The following RPTOR variants were observed in gnomAD, a reference collection of about 807,000 sequenced individuals.
RPTOR encodes regulatory associated protein of MTOR complex 1.
RPTOR carries 21 observed loss-of-function variants against 169.9 expected under a neutral mutation model. The observed-to-expected ratio is 0.12, with a 90% CI of 0.09 to 0.18. The LOEUF is 0.18. RPTOR is among the 10% of genes least tolerant of loss of function. The pLI is 1.00. For missense variants in RPTOR, 1,133 were observed against 1,855.9 expected, an observed-to-expected ratio of 0.61 and a Z score of 7.16; for synonymous variants, 732 against 753.2, an observed-to-expected ratio of 0.97 and a Z score of 0.46.
chr17:80,922,445 G>A (rs932612527), intron 21 of RPTOR, among the ~76,000 whole-genome samples: 13 of 152,212 alleles, frequency 8.5e-5, no homozygotes, highest in Admixed American at 8.5e-4. Flanking sequence ...TGACCCCTCA[G>A]GAGCCTCAGG....
In RPTOR at chr17:80,609,444, G is replaced by GT. The variant is rs1405215941; in HGVS notation, c.163-16246dup. On this transcript the variant is annotated intron_variant, in intron 1 of 33. Transcript: ENST00000306801. The surrounding 1 kb of genome is among the most constrained non-coding windows in gnomAD (Gnocchi z 4.8). ...AAACAATGTTGATACGTCTTGAGATGTGTATAAATCATTTGATTTGGCTGG... is the reference window on the plus strand; with the variant it reads ...AAACAATGTTGATACGTCTTGAGATGTTGTATAAATCATTTGATTTGGCTGG... Among the ~76,000 whole-genome samples the GT allele has an allele frequency of 1.3e-5, 2 of 152,154 alleles. No individual in the cohort carries two copies. Among genetic ancestry groups the GT allele is most frequent in the Non-Finnish European group, 2.9e-5 (2 of 68,034 alleles).
At position 80,960,266 on chromosome 17, in the gene RPTOR, G is replaced by A. The variant is rs2144097593; in HGVS notation, c.3605+61G>A. On this transcript the variant is annotated intron_variant, in intron 30 of 33. Coordinates refer to ENST00000306801, the MANE Select transcript of RPTOR (RefSeq NM_020761.3). The surrounding 1 kb of genome is among the most constrained non-coding windows in gnomAD (Gnocchi z 4.8). ...GGCAGGGTACCTTCCAGGTGGTAGG[G>A]CCGTGTCACTGCCATTTGGTTGGGT... 1.9e-6 allele frequency: 3 copies of A among 1,601,148 alleles called. No individual in the cohort carries two copies. Among genetic ancestry groups the A allele is most frequent in the Non-Finnish European group, 2.6e-6 (3 of 1,170,864 alleles).
chr17:80,904,841 G>A (rs918679699), intron 20 of RPTOR, among the ~76,000 whole-genome samples: 12 of 152,162 alleles, frequency 7.9e-5, no homozygotes, highest in Non-Finnish European at 8.8e-5. Flanking sequence ...CAGCAGTTCC[G>A]TGATCACAGC....
rs966975190 is a variant in RPTOR, at chr17:80,807,658, CT to C, written c.891-14533del. Among the ~76,000 whole-genome samples the C allele has an allele frequency of 1.5e-3, 230 of 148,976 alleles. 1 individual carries two copies. Among genetic ancestry groups the C allele is most frequent in the Admixed American group, 4.4e-3 (65 of 14,880 alleles). On this transcript the variant is annotated intron_variant, in intron 7 of 33. Transcript: ENST00000306801. The stretch of plus-strand genomic sequence containing the variant: ...TGAGCCACTGTGCCCGGCCAAGCCC[CT>C]TTTTTTTTTAACTTTTCTTTTTTCT...
intron 9 of RPTOR, among the ~76,000 whole-genome samples, chr17:80,835,497 G>A (rs1161901597): frequency 1.3e-5 from 2 of 152,158 alleles, no homozygotes; most frequent in Non-Finnish European, 2.9e-5. Context: ...GGGAGAGTAG[G>A]GCTGAAGGGA....
intron 21 of RPTOR, among the ~76,000 whole-genome samples, chr17:80,913,785 C>A (rs1408926420): frequency 1.3e-5 from 2 of 152,030 alleles, no homozygotes; most frequent in African/African-American, 4.8e-5. Context: ...AAATTTCAGA[C>A]TATGTAGAAG....
Position 80,923,486 on chromosome 17 carries a change from G to A in RPTOR, c.2625-4G>A, listed in dbSNP as rs200640303. 1.4e-3 allele frequency: 2,272 copies of A among 1,613,664 alleles called. 5 individuals are homozygous for A. The highest frequency in any genetic ancestry group is 2.7e-3 in the South Asian group (245 of 91,090). ...TGCAGTGTTTGTTTTTCTTCCAATG[G>A]CAGGGGCTCCCCTCCGGCGTCCAGC... On this transcript the variant is annotated splice_region_variant and splice_polypyrimidine_tract_variant and intron_variant, in intron 22 of 33. Coordinates refer to ENST00000306801, the MANE Select transcript of RPTOR (RefSeq NM_020761.3).
rs1466317311 is a variant in RPTOR at position 80,726,151 on chromosome 17, A to G, written c.508-4409A>G. Among the ~76,000 whole-genome samples, 2 of 152,140 alleles carry G rather than the reference A, an allele frequency of 1.3e-5. No individual in the cohort carries two copies. The highest frequency in any genetic ancestry group is 4.8e-5 in the African/African-American group (2 of 41,428). On this transcript the variant is annotated intron_variant, in intron 4 of 33. Transcript: ENST00000306801. This position sits in a 1 kb window ranked among gnomAD's most constrained non-coding sequence, Gnocchi z 4.5. ...GCCCACATCCAAGCAGGCTTCCCAG[A>G]GCAGGCGGGGCTGGGAAAGCTGTTC...
Position 80,962,627 on chromosome 17 carries a change from T to C in RPTOR, c.3809+50T>C, listed in dbSNP as rs368165366. The C allele has an allele frequency of 2.0e-5, 31 of 1,520,242 alleles. No individual in the cohort carries two copies. In the African/African-American group the frequency reaches 3.0e-4, roughly 15 times the overall value. The allele number at this position is 1,520,242 out of a possible 1,614,324, so 94.2% of individuals were successfully genotyped here. On this transcript the variant is annotated intron_variant, in intron 32 of 33. Coordinates refer to ENST00000306801, the MANE Select transcript of RPTOR (RefSeq NM_020761.3). ...CTGCACCGCTCACCCGCCTCGGGCC[T>C]CTGTGCAAACGGGAGGCTCTTGTGT...
chr17:80,682,764 G>A (rs979434795), intron 3 of RPTOR, among the ~76,000 whole-genome samples: 3 of 152,004 alleles, frequency 2.0e-5, no homozygotes, highest in African/African-American at 7.3e-5. Context: ...ATATAACATT[G>A]ATTCAGTCCT....
rs185756625 is a variant in RPTOR, at chr17:80,871,360, C to T, written c.1510-9055C>T. On this transcript the variant is annotated intron_variant, in intron 13 of 33. Coordinates refer to ENST00000306801, the MANE Select transcript of RPTOR (RefSeq NM_020761.3). ...TCCTGACTGCGTGAGCCACCGCTCC[C>T]GGCCATGCCCAATGTTTTTGTCCTG... Among the ~76,000 whole-genome samples the T allele has an allele frequency of 4.1e-3, 617 of 152,286 alleles. 1 individual carries two copies. The highest frequency in any genetic ancestry group is 0.013 in the South Asian group (65 of 4,818).
At chr17:80,603,550 C>T (rs538683204) in intron 1 of RPTOR, among the ~76,000 whole-genome samples, 5 of 152,106 alleles carry the variant, frequency 3.3e-5, no homozygotes, top group African/African-American at 9.7e-5. Context: ...CTTCCTGCTT[C>T]CAGGATTTAC....
chr17:80,893,780 C>G lies in RPTOR; in HGVS notation c.2316C>G (p.Pro772=), dbSNP rs1360461888. The G allele has an allele frequency of 6.3e-7, 1 of 1,597,792 alleles. No individual in the cohort carries two copies. Among genetic ancestry groups the G allele is most frequent in the East Asian group, 2.3e-5 (1 of 43,664 alleles). The part of the protein sequence containing the change: ...SSSASSTLGS[P]ENEEHILSFE... ...GCGCCAGCAGCACCCTGGGCAGCCC[C>G]GAGAATGAGGAGCATATCCTGTCCT... Residue 772 remains proline (P), a synonymous_variant, in exon 20 of 34, where the codon CCC becomes CCG. Transcript: ENST00000306801.
At chr17:80,826,831 C>T (rs192913489) in intron 9 of RPTOR, among the ~76,000 whole-genome samples, 1 of 152,382 alleles carries the variant, frequency 6.6e-6, no homozygotes, top group Admixed American at 6.5e-5. Context: ...AGCTAGAACT[C>T]GCCCTGCTGT....
intron 20 of RPTOR, among the ~76,000 whole-genome samples, chr17:80,894,769 G>A (rs942577972): frequency 1.3e-5 from 2 of 152,100 alleles, no homozygotes; most frequent in African/African-American, 4.8e-5. Context: ...CGCTGCGTGT[G>A]TGTGTGTGTG....
At chr17:80,764,416 G>T (rs2066766674) in intron 6 of RPTOR, among the ~76,000 whole-genome samples, 3 of 149,494 alleles carry the variant, frequency 2.0e-5, no homozygotes, top group African/African-American at 7.4e-5. Context: ...GCAGTGTTTG[G>T]TTTTTTGTCC....
intron 6 of RPTOR, among the ~76,000 whole-genome samples, chr17:80,761,469 G>T (rs1046540465): frequency 6.6e-6 from 1 of 152,152 alleles, no homozygotes; most frequent in Non-Finnish European, 1.5e-5. Flanking sequence ...TGCATTGCCC[G>T]CAGGAGACGG....
At chr17:80,787,725 A>G (rs1295618494) in intron 6 of RPTOR, among the ~76,000 whole-genome samples, 1 of 152,132 alleles carries the variant, frequency 6.6e-6, no homozygotes. Flanking sequence ...TTAGAATGAT[A>G]TCTCGTGTAG....
intron 9 of RPTOR, among the ~76,000 whole-genome samples, chr17:80,824,852 C>T (rs9908866): frequency 0.013 from 2,046 of 152,362 alleles, 48 homozygotes; most frequent in African/African-American, 0.046. Context: ...CATTGGAGTC[C>T]GTGGTCAAAG....
Sources: allele counts gnomAD v4.1 joint callset (sites outside exome capture counted in the v4.1 genomes callset), GRCh38; gene constraint gnomAD v4.1.1; non-coding constraint Gnocchi (gnomAD v3.1); transcripts MANE v1.5; gene names NCBI Gene and HGNC (gene_info 2026-07-23, HGNC 2026-07-21).